Variants in UBE2E1 observed in about 807,000 individuals in gnomAD.
The protein encoded by UBE2E1 is ubiquitin conjugating enzyme E2 E1, also known as ubiquitin-conjugating enzyme E2 E1.
A neutral mutation model predicts 21.4 loss-of-function variants in UBE2E1; 6 were observed. That is an observed-to-expected ratio of 0.28 (90% CI 0.15 to 0.55). The LOEUF is 0.55. Ranked by LOEUF, UBE2E1 falls within the 20% of genes least tolerant of loss-of-function variation. The pLI, the probability that UBE2E1 is intolerant of heterozygous loss-of-function variation, is 0.93. For missense variants in UBE2E1, 142 were observed against 236.5 expected, an observed-to-expected ratio of 0.60 and a Z score of 2.62; for synonymous variants, 87 against 82.7, an observed-to-expected ratio of 1.05 and a Z score of -0.28.
chr3:23,846,730 A>G (rs1700213220), intron 3 of UBE2E1, among the ~76,000 whole-genome samples: 1 of 149,356 alleles, frequency 6.7e-6, no homozygotes, highest in Non-Finnish European at 1.5e-5. Flanking sequence ...GGAATGGGTA[A>G]TAGAGATGGA....
At position 23,810,740 on chromosome 3, in the gene UBE2E1, G is replaced by A. The variant is rs947618972; in HGVS notation, c.153-720G>A. On this transcript the variant is annotated intron_variant, in intron 2 of 5. Transcript: ENST00000306627. This position sits in a 1 kb window ranked among gnomAD's most constrained non-coding sequence, Gnocchi z 5.8. ...GCGGCGCGGAGCAGCCCCCGTGCGGGCACCCTGTTCCCCTCCCCCGCCCGC... is the reference window on the plus strand; with the variant it reads ...GCGGCGCGGAGCAGCCCCCGTGCGGACACCCTGTTCCCCTCCCCCGCCCGC... 5 of 364,384 alleles carry A rather than the reference G, an allele frequency of 1.4e-5. No homozygotes were observed. Among genetic ancestry groups the A allele is most frequent in the Non-Finnish European group, 1.9e-5 (4 of 206,200 alleles). The allele number at this position is 364,384 out of a possible 1,614,324, so 22.6% of individuals were successfully genotyped here.
intron 3 of UBE2E1, among the ~76,000 whole-genome samples, chr3:23,858,741 G>A (rs1193365966): frequency 6.6e-6 from 1 of 152,174 alleles, no homozygotes; most frequent in Non-Finnish European, 1.5e-5. Flanking sequence ...CTGCAGCACT[G>A]AAGCTATTCA....
intron 3 of UBE2E1, among the ~76,000 whole-genome samples, chr3:23,843,996 C>A (rs147422008): frequency 6.6e-6 from 1 of 152,250 alleles, no homozygotes; most frequent in East Asian, 1.9e-4. Flanking sequence ...GATATTTCTT[C>A]CACCATGTGT....
chr3:23,877,307 G>C (rs1281104057), intron 3 of UBE2E1, among the ~76,000 whole-genome samples: 1 of 151,980 alleles, frequency 6.6e-6, no homozygotes, highest in Non-Finnish European at 1.5e-5. Context: ...GGTGTACCAG[G>C]CACAGAAAAA....
chr3:23,810,714 G>A lies in UBE2E1; in HGVS notation c.153-746G>A, dbSNP rs981566710. Reference sequence around the variant, plus strand: ...CTGGGCGCCGGGAGAGGAGAGCTGGGGCGGCGCGGAGCAGCCCCCGTGCGG... The same window carrying A: ...CTGGGCGCCGGGAGAGGAGAGCTGGAGCGGCGCGGAGCAGCCCCCGTGCGG... On this transcript the variant is annotated intron_variant, in intron 2 of 5. Coordinates refer to ENST00000306627, the MANE Select transcript of UBE2E1 (RefSeq NM_003341.5). The surrounding 1 kb of genome is among the most constrained non-coding windows in gnomAD (Gnocchi z 5.8). The A allele has an allele frequency of 5.9e-6, 3 of 512,516 alleles. No homozygotes were observed. Among genetic ancestry groups the A allele is most frequent in the Admixed American group, 8.3e-5 (2 of 24,106 alleles). 31.7% of individuals were successfully genotyped at this position (512,516 alleles called of 1,614,324 possible).
intron 3 of UBE2E1, among the ~76,000 whole-genome samples, chr3:23,874,831 C>T (rs976391960): frequency 1.1e-4 from 17 of 152,134 alleles, no homozygotes; most frequent in African/African-American, 2.2e-4. Context: ...TAATCACTGC[C>T]GTACCCCCAA....
intron 3 of UBE2E1, among the ~76,000 whole-genome samples, chr3:23,849,474 A>C (rs1242315100): frequency 6.6e-6 from 1 of 152,120 alleles, no homozygotes; most frequent in African/African-American, 2.4e-5. Flanking sequence ...CCCCTCATAC[A>C]TTAGGTGTTT....
chr3:23,856,474 A>AACT (rs1263561779), intron 3 of UBE2E1, among the ~76,000 whole-genome samples: 1 of 152,206 alleles, frequency 6.6e-6, no homozygotes, highest in Non-Finnish European at 1.5e-5. Flanking sequence ...GCTTTGTAGT[A>AACT]AGGCATTATT....
Position 23,890,730 on chromosome 3 carries a change from AGTC to A in UBE2E1, c.*125_*127del. ...GGTATTTCTATAACAGATATTATTC[AGTC>A]TTATTTCCTAAGATTTTGTTGTAAC... On this transcript the variant is annotated 3_prime_UTR_variant, in exon 6 of 6. Transcript: ENST00000306627. 1 of 811,084 alleles carries A rather than the reference AGTC, an allele frequency of 1.2e-6. No homozygotes were observed. The highest frequency in any genetic ancestry group is 3.0e-5 in the South Asian group (1 of 33,032). The allele number at this position is 811,084 out of a possible 1,614,324, so 50.2% of individuals were successfully genotyped here.
chr3:23,829,125 A>G (rs1186355064), intron 3 of UBE2E1, among the ~76,000 whole-genome samples: 1 of 147,074 alleles, frequency 6.8e-6, no homozygotes, highest in African/African-American at 2.5e-5. Context: ...TTTTGATAAG[A>G]TGGAGGATTA....
At chr3:23,879,747 G>A (rs933544332) in intron 3 of UBE2E1, among the ~76,000 whole-genome samples, 2 of 152,166 alleles carry the variant, frequency 1.3e-5, no homozygotes, top group African/African-American at 2.4e-5. Context: ...CCAGCAGTCC[G>A]CAAGTCTGTT....
chr3:23,890,555 A>G lies in UBE2E1; in HGVS notation c.531A>G (p.Arg177=). The G allele has an allele frequency of 6.2e-7, 1 of 1,613,856 alleles. No individual in the cohort carries two copies. The highest frequency in any genetic ancestry group is 8.5e-7 in the Non-Finnish European group (1 of 1,179,896). ...TTGCCACTCAGTATATGACCAACAG[A>G]GCAGAACATGACAGAATGGCCAGAC... ...GSIATQYMTN[R]AEHDRMARQW... is the part of the protein sequence containing the mutation. The change falls in exon 6 of 6, where the codon AGA becomes AGG. Residue 177 remains arginine, a synonymous_variant. Coordinates refer to ENST00000306627, the MANE Select transcript of UBE2E1 (RefSeq NM_003341.5).
At chr3:23,830,112 A>G (rs1322541467) in intron 3 of UBE2E1, among the ~76,000 whole-genome samples, 1 of 152,102 alleles carries the variant, frequency 6.6e-6, no homozygotes, top group Non-Finnish European at 1.5e-5. Flanking sequence ...TTTCTTTTTA[A>G]CTACTTCCTG....
intron 5 of UBE2E1, among the ~76,000 whole-genome samples, chr3:23,890,058 G>C (rs1258787303): frequency 6.6e-6 from 1 of 152,116 alleles, no homozygotes; most frequent in Non-Finnish European, 1.5e-5. Flanking sequence ...TCTTTAACCA[G>C]CGTAAAGGTT....
intron 3 of UBE2E1, among the ~76,000 whole-genome samples, chr3:23,873,766 C>T (rs187442539): frequency 4.6e-5 from 7 of 152,062 alleles, no homozygotes; most frequent in East Asian, 1.9e-4. Flanking sequence ...AATAAGAGAC[C>T]GGCAGGAGAG....
chr3:23,834,818 TAC>T (rs1364336816), intron 3 of UBE2E1, among the ~76,000 whole-genome samples: 5 of 152,358 alleles, frequency 3.3e-5, no homozygotes, highest in African/African-American at 1.2e-4. Context: ...TGTTTTTTCT[TAC>T]AGTTTTGTTT....
intron 5 of UBE2E1, chr3:23,889,529 T>C: frequency 7.8e-7 from 1 of 1,283,242 alleles, no homozygotes; most frequent in South Asian, 2.0e-5. Context: ...TTCTTCCTCC[T>C]TTTTTTTTCC....
intron 3 of UBE2E1, among the ~76,000 whole-genome samples, chr3:23,851,568 C>A (rs1700325378): frequency 6.6e-6 from 1 of 152,108 alleles, no homozygotes; most frequent in South Asian, 2.1e-4. Context: ...CTTTGAGAGA[C>A]CAAGGTGGAA....
At position 23,815,043 on chromosome 3, in the gene UBE2E1, G is replaced by C. The variant is rs1002278370; in HGVS notation, c.203+3533G>C. On this transcript the variant is annotated intron_variant, in intron 3 of 5. Coordinates refer to ENST00000306627, the MANE Select transcript of UBE2E1 (RefSeq NM_003341.5). ...CTCATTTTGTCACCCAGGCTGGAGT[G>C]CAGTGGTGCTCACTGCAGCCTTGAC... 3.0e-4 allele frequency among the ~76,000 whole-genome samples: 46 copies of C among 152,208 alleles called. 1 individual carries two copies. Among genetic ancestry groups the C allele is most frequent in the African/African-American group, 1.1e-3 (44 of 41,514 alleles).
Sources: allele counts gnomAD v4.1 joint callset (sites outside exome capture counted in the v4.1 genomes callset), GRCh38; gene constraint gnomAD v4.1.1; non-coding constraint Gnocchi (gnomAD v3.1); transcripts MANE v1.5; gene names NCBI Gene and HGNC (gene_info 2026-07-23, HGNC 2026-07-21).